The following EPC2 variants were observed in gnomAD, a reference collection of about 807,000 sequenced individuals.
EPC2 encodes the protein enhancer of polycomb 2.
Under a neutral mutation model 92.1 loss-of-function variants are expected in EPC2, and 14 were observed. The ratio of observed to expected loss-of-function variants is 0.15; its 90% CI spans 0.10 to 0.24. The LOEUF is 0.24. Ranked by LOEUF, EPC2 falls within the 10% of genes least tolerant of loss-of-function variation. EPC2 has a pLI of 1.00. For synonymous variants in EPC2, 340 were observed against 334.7 expected (o/e 1.02, Z -0.17); for missense variants, 755 against 971.5 (o/e 0.78, Z 2.96).
At chr2:148,741,067 TAA>T (rs1302995647) in intron 2 of EPC2, among the ~76,000 whole-genome samples, 10 of 152,288 alleles carry the variant, frequency 6.6e-5, no homozygotes, top group Non-Finnish European at 4.4e-5. Context: ...ACATAAAAGA[TAA>T]GAGAAAAATG....
chr2:148,688,605 A>C (rs1681578199), intron 1 of EPC2, among the ~76,000 whole-genome samples: 1 of 152,194 alleles, frequency 6.6e-6, no homozygotes, highest in Non-Finnish European at 1.5e-5. Context: ...TTGCATATAT[A>C]TGTATATCCT....
intron 2 of EPC2, among the ~76,000 whole-genome samples, chr2:148,709,727 C>G (rs1682092220): frequency 1.3e-5 from 2 of 152,070 alleles, no homozygotes; most frequent in African/African-American, 4.8e-5. Flanking sequence ...ACAAACCTGA[C>G]AAAAACAAGC....
rs1177106077 is a variant in EPC2, at chr2:148,781,769, C to T, written c.1846C>T (p.Pro616Ser). Residue 616 changes from proline to serine, a missense_variant, in exon 11 of 14, where the codon CCA (proline) becomes TCA (serine). Pro to Ser is a moderately conservative substitution (Grantham distance 74, BLOSUM62 -1). Coordinates refer to ENST00000258484, the MANE Select transcript of EPC2 (RefSeq NM_015630.4). The part of the protein sequence containing the change: ...QSQHSSQQTH[P>S]KAQGSSTSDC... ...TCAGCATTCCTCGCAACAGACACAT[C>T]CAAAAGCACAGGTAAACTGCTCTTT... The T allele has an allele frequency of 1.2e-6, 2 of 1,613,838 alleles. No individual in the cohort carries two copies. The highest frequency in any genetic ancestry group is 4.5e-5 in the East Asian group (2 of 44,860).
At chr2:148,730,030 A>G (rs1182123407) in intron 2 of EPC2, among the ~76,000 whole-genome samples, 1 of 152,246 alleles carries the variant, frequency 6.6e-6, no homozygotes, top group East Asian at 1.9e-4. Context: ...AGTTTTAAAA[A>G]TTTTAAATTA....
At chr2:148,721,067 G>T (rs1281485476) in intron 2 of EPC2, among the ~76,000 whole-genome samples, 6 of 152,064 alleles carry the variant, frequency 3.9e-5, no homozygotes, top group Admixed American at 6.5e-5. Flanking sequence ...GCTGTTGTCT[G>T]TTAGATAATT....
intron 1 of EPC2, among the ~76,000 whole-genome samples, chr2:148,678,013 C>G (rs180733784): frequency 6.6e-6 from 1 of 152,126 alleles, no homozygotes; most frequent in Non-Finnish European, 1.5e-5. Context: ...TGCTGGCTCC[C>G]GCAGCCTGCT....
chr2:148,761,182 CTT>C (rs1003809309), intron 4 of EPC2, among the ~76,000 whole-genome samples: 21 of 152,200 alleles, frequency 1.4e-4, no homozygotes, highest in African/African-American at 4.8e-4. Flanking sequence ...TGCTAAATCT[CTT>C]TTCTACTCAG....
At chr2:148,662,083 C>A (rs940970569) in intron 1 of EPC2, among the ~76,000 whole-genome samples, 1 of 152,134 alleles carries the variant, frequency 6.6e-6, no homozygotes, top group African/African-American at 2.4e-5. Context: ...TCATCACTGG[C>A]CATCAGAGAA....
chr2:148,758,900 A>G (rs934400886), intron 4 of EPC2, among the ~76,000 whole-genome samples: 2 of 152,216 alleles, frequency 1.3e-5, no homozygotes, highest in African/African-American at 4.8e-5. Flanking sequence ...GTGGAAAAAC[A>G]TTAATGAAAC....
At chr2:148,646,152 T>C (rs934323784) in intron 1 of EPC2, among the ~76,000 whole-genome samples, 5 of 152,188 alleles carry the variant, frequency 3.3e-5, no homozygotes, top group African/African-American at 1.2e-4. Context: ...TCAATGAACC[T>C]ACAGTCCCGC....
At chr2:148,672,856 T>G (rs1681184237) in intron 1 of EPC2, among the ~76,000 whole-genome samples, 1 of 152,168 alleles carries the variant, frequency 6.6e-6, no homozygotes, top group African/African-American at 2.4e-5. Context: ...AGGACTCCCT[T>G]TAGCAATTTT....
At chr2:148,779,101 T>C (rs1683702191) in intron 10 of EPC2, among the ~76,000 whole-genome samples, 1 of 151,994 alleles carries the variant, frequency 6.6e-6, no homozygotes, top group Admixed American at 6.6e-5. Flanking sequence ...CTGAGCAAAT[T>C]AATGGTCTCA....
At chr2:148,646,151 C>A (rs924266871) in intron 1 of EPC2, among the ~76,000 whole-genome samples, 1 of 152,180 alleles carries the variant, frequency 6.6e-6, no homozygotes, top group African/African-American at 2.4e-5. Flanking sequence ...TTCAATGAAC[C>A]TACAGTCCCG....
chr2:148,767,313 T>G (rs1432745054), intron 7 of EPC2, among the ~76,000 whole-genome samples: 2 of 152,138 alleles, frequency 1.3e-5, no homozygotes, highest in African/African-American at 4.8e-5. Flanking sequence ...TAACTACTCA[T>G]ATGTTTCTCA....
intron 3 of EPC2, among the ~76,000 whole-genome samples, chr2:148,747,515 T>A (rs1425704475): frequency 6.6e-6 from 1 of 152,066 alleles, no homozygotes; most frequent in Non-Finnish European, 1.5e-5. Flanking sequence ...ACCCATTGTC[T>A]CTTCTTTCTT....
rs764214527 is a variant in EPC2, at chr2:148,783,557, C to T, written c.1858-40C>T. 5 of 1,556,072 alleles carry T rather than the reference C, an allele frequency of 3.2e-6. No homozygotes were observed. In the East Asian group the frequency reaches 1.2e-4, roughly 36 times the overall value. ...ATCCCTTAATATGTTCATAAAATCACATCTAAAAATTAGAGTGTTTAACTT... is the reference window on the plus strand; with the variant it reads ...ATCCCTTAATATGTTCATAAAATCATATCTAAAAATTAGAGTGTTTAACTT... On this transcript the variant is annotated intron_variant, in intron 11 of 13. Transcript: ENST00000258484.
At chr2:148,781,549 A>G (rs1683748850) in intron 10 of EPC2, 95 bp from the exon 11 acceptor site, 1 of 1,171,932 alleles carries the variant, frequency 8.5e-7, no homozygotes, top group African/African-American at 1.6e-5. Flanking sequence ...AATTGCTTTC[A>G]TCTTAATTGT....
At chr2:148,781,870 TG>T in intron 11 of EPC2, 90 bp downstream of exon 11, 1 of 1,492,834 alleles carries the variant, frequency 6.7e-7, no homozygotes. Context: ...AAGATAATCT[TG>T]GTTTTGCCAC....
chr2:148,753,365 G>T (rs947615131), intron 3 of EPC2, among the ~76,000 whole-genome samples: 8 of 152,082 alleles, frequency 5.3e-5, no homozygotes, highest in Non-Finnish European at 1.2e-4. Flanking sequence ...ATATGTCACT[G>T]GTACAAAGAA....
Sources: gnomAD v4.1 joint callset for allele counts (sites outside exome capture counted in the v4.1 genomes callset) on GRCh38, gnomAD v4.1.1 for gene constraint, MANE v1.5 for transcripts, NCBI Gene and HGNC (gene_info 2026-07-23, HGNC 2026-07-21) for gene names.